Variants in LRP1B observed in about 807,000 individuals in gnomAD.
LRP1B encodes the protein LDL receptor related protein 1B, also known as low-density lipoprotein receptor-related protein 1B.
In LRP1B, 217 loss-of-function variants were observed where a neutral mutation model predicts 556.6. The ratio of observed to expected loss-of-function variants is 0.39; its 90% CI spans 0.35 to 0.44. The LOEUF is 0.44. Among genes scored for constraint, LRP1B ranks in the 20% least tolerant of loss-of-function variants. The pLI is 1.00. For missense variants in LRP1B, 5,053 were observed against 5,620.8 expected (o/e 0.90, Z 3.23); for synonymous variants, 2,047 against 1,865.8 (o/e 1.10, Z -2.50).
chr2:141,643,657 T>C (rs1229705593), intron 2 of LRP1B, among the ~76,000 whole-genome samples: 3 of 151,984 alleles, frequency 2.0e-5, no homozygotes, highest in Admixed American at 6.6e-5. Flanking sequence ...AAGTAGAAAA[T>C]TGAGCTAAAA....
intron 2 of LRP1B, among the ~76,000 whole-genome samples, chr2:141,800,520 C>T (rs1004441050): frequency 1.3e-5 from 2 of 152,142 alleles, no homozygotes; most frequent in African/African-American, 2.4e-5. Flanking sequence ...TACACCCATG[C>T]TATGTGCAAT....
chr2:141,144,039 G>T (rs934253701), intron 7 of LRP1B, among the ~76,000 whole-genome samples: 4 of 151,946 alleles, frequency 2.6e-5, no homozygotes, highest in African/African-American at 9.7e-5. Flanking sequence ...AAAATTGAGG[G>T]TTTTATATTG....
chr2:140,528,077 A>G (rs1334101518), intron 47 of LRP1B, among the ~76,000 whole-genome samples: 1 of 151,906 alleles, frequency 6.6e-6, no homozygotes, highest in Admixed American at 6.6e-5. Flanking sequence ...ATCTGCCTCC[A>G]ATCTCCCATA....
chr2:141,839,795 A>G (rs1013020128), intron 1 of LRP1B, among the ~76,000 whole-genome samples: 7 of 152,194 alleles, frequency 4.6e-5, no homozygotes, highest in Admixed American at 1.3e-4. Context: ...CAAACAGCCT[A>G]ATTTACTGAA....
intron 1 of LRP1B, among the ~76,000 whole-genome samples, chr2:141,853,956 T>C (rs1400871066): frequency 6.6e-6 from 1 of 152,032 alleles, no homozygotes; most frequent in African/African-American, 2.4e-5. Flanking sequence ...AAGCAATACA[T>C]GTTTGCAAGG....
At position 141,891,034 on chromosome 2, in the gene LRP1B, G is replaced by A. The variant is rs1699274418; in HGVS notation, c.83-80633C>T. ...AGGAATAATGACCTACTTTTTATTT[G>A]AGTATCTCAAGGCAAAGATTACCTC... On this transcript the variant is annotated intron_variant, in intron 1 of 90. Coordinates refer to ENST00000389484, the MANE Select transcript of LRP1B (RefSeq NM_018557.3). Among the ~76,000 whole-genome samples the A allele has an allele frequency of 2.0e-5, 3 of 152,148 alleles. No homozygotes were observed. In the South Asian group the frequency reaches 6.2e-4, roughly 32 times the overall value.
At chr2:141,626,594 T>C (rs1688709929) in intron 2 of LRP1B, among the ~76,000 whole-genome samples, 1 of 152,060 alleles carries the variant, frequency 6.6e-6, no homozygotes, top group Middle Eastern at 3.2e-3. Flanking sequence ...TACAAAAAAC[T>C]CTTGAAACTC....
chr2:140,868,357 A>T lies in LRP1B; in HGVS notation c.4170-94T>A, dbSNP rs968980952. 3 of 1,171,850 alleles carry T rather than the reference A, an allele frequency of 2.6e-6. No homozygotes were observed. In the African/African-American group the frequency reaches 4.7e-5, roughly 18 times the overall value. The allele number at this position is 1,171,850 out of a possible 1,614,324, so 72.6% of individuals were successfully genotyped here. ...GTGCCTACCATATGCTAGGCACTGG[A>T]TAGGTGATAAGTCACAAGAGAAACA... is the stretch of plus-strand genomic sequence containing the variant. On this transcript the variant is annotated intron_variant, in intron 25 of 90. Coordinates refer to ENST00000389484, the MANE Select transcript of LRP1B (RefSeq NM_018557.3).
At chr2:141,817,433 T>C (rs1264709407) in intron 1 of LRP1B, among the ~76,000 whole-genome samples, 1 of 152,120 alleles carries the variant, frequency 6.6e-6, no homozygotes, top group Non-Finnish European at 1.5e-5. Flanking sequence ...TGAGAAAAGC[T>C]TAGTATAATT....
chr2:142,108,633 T>C (rs1470325639), intron 1 of LRP1B, among the ~76,000 whole-genome samples: 2 of 152,208 alleles, frequency 1.3e-5, no homozygotes, highest in African/African-American at 4.8e-5. Flanking sequence ...TCTGAAGAAC[T>C]AAAGGATTAA....
chr2:140,862,257 G>T (rs934793551), intron 27 of LRP1B, among the ~76,000 whole-genome samples: 3 of 152,066 alleles, frequency 2.0e-5, no homozygotes, highest in African/African-American at 4.8e-5. Context: ...CAACTTGTTT[G>T]TACGGTTGGA....
At chr2:140,961,878 C>T (rs1180582819) in intron 18 of LRP1B, among the ~76,000 whole-genome samples, 1 of 152,042 alleles carries the variant, frequency 6.6e-6, no homozygotes, top group Non-Finnish European at 1.5e-5. Context: ...AACATACTAC[C>T]TTATATGCAA....
intron 1 of LRP1B, among the ~76,000 whole-genome samples, chr2:141,826,312 G>A (rs569175234): frequency 1.2e-4 from 18 of 149,824 alleles, no homozygotes; most frequent in Admixed American, 2.7e-4. Flanking sequence ...ATTTAATAAG[G>A]ATATGATAGA....
rs551218232 is a variant in LRP1B, at chr2:141,834,387, A to G, written c.83-23986T>C. On this transcript the variant is annotated intron_variant, in intron 1 of 90. Coordinates refer to ENST00000389484, the MANE Select transcript of LRP1B (RefSeq NM_018557.3). ...AGAGACCCTAAACTCAAACTGTGAA[A>G]AGAAAGGAGAGATAGAAACAAAGTG... Among the ~76,000 whole-genome samples, 339 of 152,022 alleles carry G rather than the reference A, an allele frequency of 2.2e-3. 2 individuals carry two copies. Among genetic ancestry groups the G allele is most frequent in the African/African-American group, 8.0e-3 (331 of 41,536 alleles).
intron 20 of LRP1B, among the ~76,000 whole-genome samples, chr2:140,940,969 C>T (rs1292476881): frequency 1.3e-5 from 2 of 152,028 alleles, no homozygotes; most frequent in East Asian, 3.9e-4. Flanking sequence ...TTCCGACTGG[C>T]GTGAGATGGT....
chr2:140,814,296 C>T (rs552489831), intron 31 of LRP1B, among the ~76,000 whole-genome samples: 197 of 152,148 alleles, frequency 1.3e-3, no homozygotes, highest in African/African-American at 4.5e-3. Flanking sequence ...CAGTTTCAAC[C>T]GACAGAGAAA....
Position 141,691,322 on chromosome 2 carries a change from A to G in LRP1B, c.205+118957T>C, listed in dbSNP as rs117342243. On this transcript the variant is annotated intron_variant, in intron 2 of 90. Coordinates refer to ENST00000389484, the MANE Select transcript of LRP1B (RefSeq NM_018557.3). ...GGAGCATAAGGGAACTTGAAATATT[A>G]TTTTCTAGTGTTCTTCTGATTTAGA... Among the ~76,000 whole-genome samples, 43 of 151,584 alleles carry G rather than the reference A, an allele frequency of 2.8e-4. No individual in the cohort carries two copies. In the East Asian group the frequency reaches 8.0e-3, roughly 28 times the overall value.
intron 3 of LRP1B, among the ~76,000 whole-genome samples, chr2:141,475,517 G>A (rs1682665839): frequency 6.6e-6 from 1 of 152,068 alleles, no homozygotes; most frequent in African/African-American, 2.4e-5. Flanking sequence ...CAGTTCCCCA[G>A]CAAAGGCCCC....
At chr2:141,085,546 G>T (rs1700030226) in intron 7 of LRP1B, among the ~76,000 whole-genome samples, 1 of 152,116 alleles carries the variant, frequency 6.6e-6, no homozygotes, top group African/African-American at 2.4e-5. Flanking sequence ...GTGATCATCT[G>T]CCAGCCAAAG....
Sources: allele counts gnomAD v4.1 joint callset (sites outside exome capture counted in the v4.1 genomes callset), GRCh38; gene constraint gnomAD v4.1.1; transcripts MANE v1.5; gene names NCBI Gene and HGNC (gene_info 2026-07-23, HGNC 2026-07-21).